Variants in GPSM2 observed in about 807,000 individuals in gnomAD.
GPSM2 encodes the protein G protein signaling modulator 2.
A neutral mutation model predicts 78.4 loss-of-function variants in GPSM2; 58 were observed. That is an observed-to-expected ratio of 0.74 (90% confidence interval 0.60 to 0.92). The LOEUF (loss-of-function observed/expected upper bound fraction) is 0.92, where lower values mean the gene tolerates loss of function less well. Among genes scored for constraint, GPSM2 ranks in the 40% least tolerant of loss-of-function variants. The pLI is 0.00. For synonymous variants in GPSM2, 224 were observed against 280.2 expected (o/e 0.80, Z 2.00); for missense variants, 700 against 815.5 (o/e 0.86, Z 1.73).
At position 108,885,532 on chromosome 1, in the gene GPSM2, A is replaced by G. The variant is rs1647464857; in HGVS notation, c.10A>G (p.Asn4Asp). 1.3e-6 allele frequency: 2 copies of G among 1,571,860 alleles called. No homozygotes were observed. The highest frequency in any genetic ancestry group is 1.8e-6 in the Non-Finnish European group (2 of 1,141,956). ...CTTATAATATGACTCGATGGAGGAA[A>G]ATTTGATAAGCATGAGAGAAGACCA... is the stretch of plus-strand genomic sequence containing the variant. MEENLISMREDHSF... is the reference protein window; with the variant it reads MEEDLISMREDHSF... Residue 4 changes from asparagine (N) to aspartate (D), a missense_variant, in exon 2 of 15, where the codon AAT (asparagine) becomes GAT (aspartate). Physicochemically the swap from Asn to Asp is conservative, Grantham distance 23 (BLOSUM62 1). Transcript: ENST00000264126.
intron 5 of GPSM2, among the ~76,000 whole-genome samples, chr1:108,898,332 AT>A (rs1648535077): frequency 2.0e-5 from 3 of 152,224 alleles, no homozygotes; most frequent in Non-Finnish European, 4.4e-5. Flanking sequence ...AGAAATGTCA[AT>A]GGTTGGTCTG....
chr1:108,904,202 C>T lies in GPSM2; in HGVS notation c.1140C>T (p.Ser380=). 6.3e-7 allele frequency: 1 copy of T among 1,598,390 alleles called. No homozygotes were observed. Among genetic ancestry groups the T allele is most frequent in the South Asian group, 1.1e-5 (1 of 90,740 alleles). Residue 380 remains serine (S), a synonymous_variant, in exon 10 of 15, where the codon AGC becomes AGT. Transcript: ENST00000264126. The part of the protein sequence containing the change: ...DLQMVLGLSY[S]TNNSIMSENT... ...AAATGGTTCTTGGTCTGAGCTACAG[C>T]ACAAATAACTCCATAATGTCTGAAA...
chr1:108,917,609 C>CATATATATATATATATATAT (rs761319516), intron 11 of GPSM2, among the ~76,000 whole-genome samples: 1 of 90,192 alleles, frequency 1.1e-5, no homozygotes, highest in African/African-American at 3.1e-5. Context: ...CACACACACA[C>CATATATATATATATATATAT]ACATATATAT....
At chr1:108,896,138 T>C (rs964924091) in intron 2 of GPSM2, among the ~76,000 whole-genome samples, 10 of 152,216 alleles carry the variant, frequency 6.6e-5, no homozygotes, top group African/African-American at 2.4e-4. Context: ...AGTGTTTTTT[T>C]CTCCCAGATA....
chr1:108,880,838 AAAAC>A (rs1290316889), intron 1 of GPSM2, among the ~76,000 whole-genome samples: 2 of 152,244 alleles, frequency 1.3e-5, no homozygotes, highest in Non-Finnish European at 1.5e-5. Context: ...AAACAGACCA[AAAAC>A]AAACAAAGAA....
chr1:108,918,805 G>T lies in GPSM2; in HGVS notation c.1440+16G>T. 6.3e-7 allele frequency: 1 copy of T among 1,582,384 alleles called. No homozygotes were observed. The highest frequency in any genetic ancestry group is 8.7e-7 in the Non-Finnish European group (1 of 1,151,208). On this transcript the variant is annotated intron_variant, in intron 12 of 14. Coordinates refer to ENST00000264126, the MANE Select transcript of GPSM2 (RefSeq NM_013296.5). ...TTCTCAGAGGGTACGTTTAAACTAA[G>T]TTTTTGAGTATTGTGTTTTGAGTAC...
At position 108,922,644 on chromosome 1, in the gene GPSM2, G is replaced by T. The variant is rs1650809042; in HGVS notation, c.1600+68G>T. ...TGATATTCTTGTGGCTTATTTCTGA[G>T]AATTGAATTCCCATCATAAGAGATA... On this transcript the variant is annotated intron_variant, in intron 13 of 14. Coordinates refer to ENST00000264126, the MANE Select transcript of GPSM2 (RefSeq NM_013296.5). 12 of 1,234,338 alleles carry T rather than the reference G, an allele frequency of 9.7e-6. No individual in the cohort carries two copies. The South Asian group carries it at 1.4e-4, about 15-fold the overall frequency. The allele number at this position is 1,234,338 out of a possible 1,614,324, so 76.5% of individuals were successfully genotyped here.
At chr1:108,924,630 T>A (rs754789802) in intron 14 of GPSM2, among the ~76,000 whole-genome samples, 21 of 152,190 alleles carry the variant, frequency 1.4e-4, no homozygotes, top group Admixed American at 1.3e-3. Context: ...GAGACCTGAA[T>A]GCAGTGAAGC....
intron 2 of GPSM2, among the ~76,000 whole-genome samples, chr1:108,892,755 A>G (rs1028672257): frequency 6.6e-6 from 1 of 152,216 alleles, no homozygotes; most frequent in Admixed American, 6.5e-5. Context: ...GATCTTCTAA[A>G]AAATTTATAA....
chr1:108,899,473 C>G, intron 7 of GPSM2, among the ~76,000 whole-genome samples: 1 of 152,082 alleles, frequency 6.6e-6, no homozygotes, highest in East Asian at 1.9e-4. Context: ...ACCTTCCCAC[C>G]CTCTTATTGA....
chr1:108,920,713 A>C (rs1650640456), intron 12 of GPSM2, among the ~76,000 whole-genome samples: 1 of 152,084 alleles, frequency 6.6e-6, no homozygotes, highest in Non-Finnish European at 1.5e-5. Flanking sequence ...AAAAGGAAAA[A>C]TTATGGGGTA....
intron 8 of GPSM2, 136 bp from the exon 9 acceptor site, chr1:108,902,990 A>ATAGT: frequency 3.0e-6 from 2 of 658,888 alleles, no homozygotes; most frequent in South Asian, 3.3e-5. Flanking sequence ...TAATATCATG[A>ATAGT]TAGTATGTTA....
chr1:108,920,513 C>T (rs375198562), intron 12 of GPSM2, among the ~76,000 whole-genome samples: 1 of 151,292 alleles, frequency 6.6e-6, no homozygotes, highest in East Asian at 1.9e-4. Context: ...GCAATGAGAG[C>T]CTTTGCAAAA....
chr1:108,917,609 C>CATATATATATATAT (rs761319516), intron 11 of GPSM2, among the ~76,000 whole-genome samples: 1 of 90,186 alleles, frequency 1.1e-5, no homozygotes, highest in African/African-American at 3.1e-5. Flanking sequence ...CACACACACA[C>CATATATATATATAT]ACATATATAT....
Position 108,898,993 on chromosome 1 carries a change from A to AAGTT in GPSM2, c.797+3_797+6dup, listed in dbSNP as rs1271473240. ...ATTTGAAACTGCCTCGGAATACTAC[A>AAGTT]AGTTAGTCTAATATTTCTGTAGATA... On this transcript the variant is annotated frameshift_variant and splice_region_variant, in exon 7 of 15. Coordinates refer to ENST00000264126, the MANE Select transcript of GPSM2 (RefSeq NM_013296.5). LOFTEE classifies it high-confidence loss of function. The AAGTT allele has an allele frequency of 1.4e-6, 2 of 1,456,962 alleles. No individual in the cohort carries two copies. Among genetic ancestry groups the AAGTT allele is most frequent in the South Asian group, 2.3e-5 (2 of 87,840 alleles). 90.3% of individuals were successfully genotyped at this position (1,456,962 alleles called of 1,614,324 possible).
intron 2 of GPSM2, among the ~76,000 whole-genome samples, chr1:108,889,585 C>T (rs1171988818): frequency 2.0e-5 from 3 of 152,108 alleles, no homozygotes; most frequent in South Asian, 2.1e-4. Context: ...ATAAATTTTG[C>T]GTCTAAGGAA....
chr1:108,891,755 C>G (rs1295658335), intron 2 of GPSM2, among the ~76,000 whole-genome samples: 2 of 151,556 alleles, frequency 1.3e-5, no homozygotes, highest in Non-Finnish European at 2.9e-5. Context: ...TCCACCCCCC[C>G]TTAGCCTCCC....
At chr1:108,885,170 C>G (rs909014988) in intron 1 of GPSM2, 105 bp from the exon 2 acceptor site, 2 of 183,004 alleles carry the variant, frequency 1.1e-5, no homozygotes, top group Admixed American at 1.1e-4. Context: ...ATTGACATGA[C>G]AGCAGTCTGC....
intron 4 of GPSM2, 145 bp from the exon 5 acceptor site, chr1:108,897,814 A>C (rs1026095371): frequency 8.5e-6 from 8 of 938,832 alleles, no homozygotes; most frequent in Non-Finnish European, 1.3e-5. Flanking sequence ...GAGGTCTTTC[A>C]TAAGTAATTA....
Sources: allele counts gnomAD v4.1 joint callset (sites outside exome capture counted in the v4.1 genomes callset), GRCh38; gene constraint gnomAD v4.1.1; transcripts MANE v1.5; gene names NCBI Gene and HGNC (gene_info 2026-07-23, HGNC 2026-07-21).